The following NALCN variants were observed in gnomAD, a reference collection of about 807,000 sequenced individuals.
NALCN encodes sodium leak channel NALCN.
Under a neutral mutation model 225.3 loss-of-function variants are expected in NALCN, and 111 were observed. That is an observed-to-expected ratio of 0.49 (90% confidence interval 0.42 to 0.58). The LOEUF is 0.58. Ranked by LOEUF, NALCN falls within the 20% of genes least tolerant of loss-of-function variation. The pLI, the probability that NALCN is intolerant of heterozygous loss-of-function variation, is 0.00. For synonymous variants in NALCN, 764 were observed against 769.0 expected, an observed-to-expected ratio of 0.99 and a Z score of 0.11; for missense variants, 1,378 against 2,202.4, an observed-to-expected ratio of 0.63 and a Z score of 7.49.
intron 12 of NALCN, among the ~76,000 whole-genome samples, chr13:101,234,198 T>C (rs1430615139): frequency 6.6e-6 from 1 of 152,254 alleles, no homozygotes; most frequent in East Asian, 1.9e-4. Flanking sequence ...CTTTGTGTAC[T>C]TCTTTGTGAA....
intron 1 of NALCN, among the ~76,000 whole-genome samples, chr13:101,415,298 T>C (rs2047910955): frequency 6.6e-6 from 1 of 150,926 alleles, no homozygotes; most frequent in African/African-American, 2.4e-5. Context: ...CACCAACTAC[T>C]AACACGAAGG....
intron 9 of NALCN, among the ~76,000 whole-genome samples, chr13:101,288,195 A>G (rs2043411615): frequency 6.6e-6 from 1 of 152,198 alleles, no homozygotes; most frequent in Non-Finnish European, 1.5e-5. Flanking sequence ...CTATTCTATT[A>G]TTATGGTTTC....
intron 10 of NALCN, among the ~76,000 whole-genome samples, chr13:101,265,309 T>C (rs1214958778): frequency 6.6e-6 from 1 of 152,072 alleles, no homozygotes; most frequent in Non-Finnish European, 1.5e-5. Flanking sequence ...CTTGCCAACG[T>C]GGGGTCTCTG....
chr13:101,177,307 G>A (rs1263990959), intron 14 of NALCN, among the ~76,000 whole-genome samples: 2 of 151,724 alleles, frequency 1.3e-5, no homozygotes, highest in Non-Finnish European at 2.9e-5. Context: ...TCTATTTCCT[G>A]GTAGGCTTCT....
intron 13 of NALCN, among the ~76,000 whole-genome samples, chr13:101,205,041 C>A (rs892010189): frequency 1.3e-5 from 2 of 152,070 alleles, no homozygotes; most frequent in Non-Finnish European, 2.9e-5. Flanking sequence ...TGCTCAGTAT[C>A]CAGGCTGAGA....
At chr13:101,303,854 C>T (rs866234532) in intron 7 of NALCN, among the ~76,000 whole-genome samples, 3 of 152,304 alleles carry the variant, frequency 2.0e-5, no homozygotes, top group Non-Finnish European at 2.9e-5. Context: ...GACATTTGTG[C>T]TGTGGCTGAT....
At chr13:101,074,088 C>G (rs559762803) in intron 36 of NALCN, among the ~76,000 whole-genome samples, 15 of 152,080 alleles carry the variant, frequency 9.9e-5, no homozygotes, top group African/African-American at 3.4e-4. Context: ...TCGTTGAAAA[C>G]TGCTTTTCAT....
intron 9 of NALCN, among the ~76,000 whole-genome samples, chr13:101,287,708 G>A (rs935324234): frequency 3.9e-5 from 6 of 152,116 alleles, no homozygotes; most frequent in Non-Finnish European, 5.9e-5. Flanking sequence ...ATTTGGAAGC[G>A]CATGGAGATT....
At chr13:101,182,671 G>A (rs1218564673) in intron 14 of NALCN, among the ~76,000 whole-genome samples, 1 of 152,106 alleles carries the variant, frequency 6.6e-6, no homozygotes, top group Non-Finnish European at 1.5e-5. Context: ...TCATCAAACT[G>A]TCCCTGGCAT....
At chr13:101,368,548 A>T (rs2046446957) in intron 6 of NALCN, 1 of 152,202 alleles carries the variant, frequency 6.6e-6, no homozygotes, top group African/African-American at 2.4e-5. Context: ...AAATTTTCAA[A>T]TCAATTAACA....
chr13:101,296,990 A>G (rs1413273816), intron 7 of NALCN, among the ~76,000 whole-genome samples: 3 of 152,196 alleles, frequency 2.0e-5, no homozygotes, highest in African/African-American at 7.2e-5. Context: ...ATAGCTCTGA[A>G]CAAAATTATA....
chr13:101,124,167 T>C (rs1010337863), intron 18 of NALCN, among the ~76,000 whole-genome samples: 4 of 152,250 alleles, frequency 2.6e-5, no homozygotes, highest in Admixed American at 2.0e-4. Flanking sequence ...TATGTTTTCA[T>C]AGGCATTCTA....
intron 10 of NALCN, among the ~76,000 whole-genome samples, chr13:101,275,848 G>T (rs1316248255): frequency 1.3e-5 from 2 of 151,918 alleles, no homozygotes; most frequent in Non-Finnish European, 2.9e-5. Flanking sequence ...GGCAGATCAC[G>T]AGGTCAGAAG....
chr13:101,322,191 G>A (rs2044767874), intron 7 of NALCN, among the ~76,000 whole-genome samples: 1 of 152,162 alleles, frequency 6.6e-6, no homozygotes, highest in Non-Finnish European at 1.5e-5. Context: ...GTCCATGCAT[G>A]TGGAATATAG....
chr13:101,388,523 A>C (rs978994006), intron 3 of NALCN, among the ~76,000 whole-genome samples: 4 of 152,190 alleles, frequency 2.6e-5, no homozygotes, highest in Admixed American at 1.3e-4. Context: ...TTTGAAAACG[A>C]TTTGGTCCTA....
At chr13:101,371,219 G>A (rs937339800) in intron 6 of NALCN, among the ~76,000 whole-genome samples, 7 of 152,180 alleles carry the variant, frequency 4.6e-5, no homozygotes, top group African/African-American at 1.2e-4. Context: ...GCATTCATGT[G>A]TAAATCTTTC....
At chr13:101,076,647 T>C (rs998243254) in intron 34 of NALCN, among the ~76,000 whole-genome samples, 4 of 152,160 alleles carry the variant, frequency 2.6e-5, no homozygotes, top group African/African-American at 9.7e-5. Context: ...AGATCCTTGG[T>C]GAGGTCCAAG....
intron 1 of NALCN, among the ~76,000 whole-genome samples, chr13:101,408,149 C>A (rs73567909): frequency 0.022 from 3,421 of 152,208 alleles, 111 homozygotes; most frequent in East Asian, 0.11. Context: ...TTCAGTCTGA[C>A]CCTTTCAAGT....
At chr13:101,291,833 A>G (rs2043564746) in intron 9 of NALCN, among the ~76,000 whole-genome samples, 157 bp downstream of exon 9, 1 of 152,178 alleles carries the variant, frequency 6.6e-6, no homozygotes, top group Non-Finnish European at 1.5e-5. Context: ...TACAAGCATG[A>G]GCCACTGTGC....
Sources: allele counts gnomAD v4.1 joint callset (sites outside exome capture counted in the v4.1 genomes callset), GRCh38; gene constraint gnomAD v4.1.1; transcripts MANE v1.5; gene names NCBI Gene and HGNC (gene_info 2026-07-23, HGNC 2026-07-21).